The following CHIC2 variants were observed in gnomAD, a reference collection of about 807,000 sequenced individuals.
CHIC2 encodes the protein cysteine-rich hydrophobic domain-containing protein 2.
CHIC2 carries 14 observed loss-of-function variants against 25.9 expected under a neutral mutation model. That is an observed-to-expected ratio of 0.54 (90% CI 0.36 to 0.85). CHIC2 has a LOEUF of 0.85. Ranked by LOEUF, CHIC2 falls within the 40% of genes least tolerant of loss-of-function variation. The pLI, the probability that CHIC2 is intolerant of heterozygous loss-of-function variation, is 0.01. For synonymous variants in CHIC2, 70 were observed against 72.0 expected (o/e 0.97, Z 0.14); for missense variants, 146 against 202.0 (o/e 0.72, Z 1.68).
chr4:54,025,589 T>C (rs925032270), intron 3 of CHIC2, among the ~76,000 whole-genome samples: 1 of 151,996 alleles, frequency 6.6e-6, no homozygotes, highest in Non-Finnish European at 1.5e-5. Flanking sequence ...CCGGGCGCAA[T>C]AGCTCACGCC....
chr4:54,079,482 C>T, the CHIC2 span, among the ~76,000 whole-genome samples: 1 of 151,630 alleles, frequency 6.6e-6, no homozygotes, highest in Non-Finnish European at 1.5e-5. Context: ...AAAAGAAAAC[C>T]CACAGAATAG....
In CHIC2 at chr4:54,013,573, T is replaced by G. The variant is rs190959123; in HGVS notation, c.447+264A>C. Among the ~76,000 whole-genome samples, 12 of 152,240 alleles carry G rather than the reference T, an allele frequency of 7.9e-5. No homozygotes were observed. In the East Asian group the frequency reaches 2.1e-3, roughly 27 times the overall value. On this transcript the variant is annotated intron_variant, in intron 5 of 5. Coordinates refer to ENST00000263921, the MANE Select transcript of CHIC2 (RefSeq NM_012110.4). The stretch of plus-strand genomic sequence containing the variant: ...ACAGCATCTAAAATTTCACACTCCA[T>G]CAACACATGTTCAGGCTATTTTATC...
the CHIC2 span, among the ~76,000 whole-genome samples, chr4:54,071,300 T>G: frequency 6.6e-6 from 1 of 152,196 alleles, no homozygotes; most frequent in Admixed American, 6.5e-5. Flanking sequence ...TTTGAAGCAT[T>G]TTGGATTTTG....
intron 3 of CHIC2, among the ~76,000 whole-genome samples, chr4:54,039,485 G>A (rs981727692): frequency 5.9e-5 from 9 of 152,150 alleles, no homozygotes; most frequent in Admixed American, 1.3e-4. Context: ...CATTACTCAT[G>A]AGGGTAATGC....
chr4:54,052,165 A>G (rs1043169960), intron 1 of CHIC2, among the ~76,000 whole-genome samples: 2 of 152,164 alleles, frequency 1.3e-5, no homozygotes, highest in African/African-American at 2.4e-5. Flanking sequence ...AAACAATAGT[A>G]GCAGGTAGAA....
intron 5 of CHIC2, among the ~76,000 whole-genome samples, chr4:54,010,941 T>A (rs1194113709): frequency 6.6e-6 from 1 of 152,028 alleles, no homozygotes; most frequent in African/African-American, 2.4e-5. Context: ...AATAGGAAAC[T>A]AAAGGAAAAC....
chr4:54,044,527 C>T (rs1337352366), intron 3 of CHIC2, among the ~76,000 whole-genome samples: 1 of 152,086 alleles, frequency 6.6e-6, no homozygotes, highest in East Asian at 1.9e-4. Flanking sequence ...GGAAACTGAA[C>T]AACCTGCTCC....
intron 3 of CHIC2, among the ~76,000 whole-genome samples, chr4:54,047,380 C>T (rs1236358966): frequency 6.6e-6 from 1 of 152,044 alleles, no homozygotes; most frequent in Non-Finnish European, 1.5e-5. Context: ...TTCACAATAG[C>T]AAAGACTTGG....
chr4:54,091,800 G>C, the CHIC2 span, among the ~76,000 whole-genome samples: 1 of 152,162 alleles, frequency 6.6e-6, no homozygotes, highest in Non-Finnish European at 1.5e-5. Flanking sequence ...ACTGTTGACA[G>C]TACACTTATG....
At chr4:54,041,922 T>C (rs1716590547) in intron 3 of CHIC2, among the ~76,000 whole-genome samples, 1 of 151,464 alleles carries the variant, frequency 6.6e-6, no homozygotes, top group African/African-American at 2.4e-5. Context: ...GATGGGCTGA[T>C]GTGTGCAGCA....
intron 3 of CHIC2, among the ~76,000 whole-genome samples, chr4:54,034,159 C>G (rs569315996): frequency 1.3e-5 from 2 of 152,154 alleles, no homozygotes; most frequent in Non-Finnish European, 2.9e-5. Flanking sequence ...AATCCCAACA[C>G]TTTGGGAGGC....
chr4:54,034,655 T>TA, intron 3 of CHIC2, among the ~76,000 whole-genome samples: 1 of 152,336 alleles, frequency 6.6e-6, no homozygotes, highest in African/African-American at 2.4e-5. Flanking sequence ...AGAGTTTCTT[T>TA]AAAGATTCTA....
intron 1 of CHIC2, among the ~76,000 whole-genome samples, chr4:54,051,799 G>A (rs1039918469): frequency 2.6e-5 from 4 of 152,054 alleles, no homozygotes; most frequent in Non-Finnish European, 5.9e-5. Context: ...CTGAGGATGT[G>A]AATCCTTATT....
intron 3 of CHIC2, among the ~76,000 whole-genome samples, chr4:54,031,890 G>A (rs937278670): frequency 6.6e-6 from 1 of 152,052 alleles, no homozygotes; most frequent in Non-Finnish European, 1.5e-5. Context: ...AAAGTGCTGG[G>A]ATTACAGGAG....
intron 5 of CHIC2, among the ~76,000 whole-genome samples, chr4:54,013,618 T>A (rs967880519): frequency 1.3e-5 from 2 of 152,148 alleles, no homozygotes; most frequent in African/African-American, 4.8e-5. Context: ...AATTTATTAT[T>A]TTTCAGAACA....
the CHIC2 span, chr4:54,087,198 A>G: frequency 2.9e-6 from 2 of 685,392 alleles, no homozygotes; most frequent in Non-Finnish European, 5.3e-6. Context: ...AGTACCAGCA[A>G]AGCACCTCAG....
At chr4:54,072,861 A>T in the CHIC2 span, among the ~76,000 whole-genome samples, 1 of 152,200 alleles carries the variant, frequency 6.6e-6, no homozygotes, top group Non-Finnish European at 1.5e-5. Flanking sequence ...TCACAAAGTC[A>T]GGAGATCAAG....
chr4:54,020,758 A>T (rs1715872173), intron 3 of CHIC2, among the ~76,000 whole-genome samples: 2 of 152,182 alleles, frequency 1.3e-5, no homozygotes, highest in South Asian at 4.1e-4. Flanking sequence ...CAAAGGAGAC[A>T]CATTTTATCC....
Position 54,029,113 on chromosome 4 carries a change from C to G in CHIC2, c.331-14994G>C, listed in dbSNP as rs375861305. 1.6e-3 allele frequency among the ~76,000 whole-genome samples: 235 copies of G among 149,130 alleles called. 1 individual carries two copies. In the South Asian group the frequency reaches 0.024, roughly 15 times the overall value. ...ACTCCAGCCTGCTGACAGAGCGAGA[C>G]TCCATCTCAAAGAAAAAAAAAAAAA... On this transcript the variant is annotated intron_variant, in intron 3 of 5. Transcript: ENST00000263921.
Sources: gnomAD v4.1 joint callset for allele counts (sites outside exome capture counted in the v4.1 genomes callset) on GRCh38, gnomAD v4.1.1 for gene constraint, MANE v1.5 for transcripts, NCBI Gene and HGNC (gene_info 2026-07-23, HGNC 2026-07-21) for gene names.